CCT7: variants seen among roughly 807,000 people sequenced by gnomAD.
CCT7 encodes the protein T-complex protein 1 subunit eta.
A neutral mutation model predicts 56.6 loss-of-function variants in CCT7; 16 were observed. That is an observed-to-expected ratio of 0.28 (90% CI 0.19 to 0.43). The LOEUF (loss-of-function observed/expected upper bound fraction) is 0.43. Among genes scored for constraint, CCT7 ranks in the 20% least tolerant of loss-of-function variants. CCT7 has a pLI of 1.00. For synonymous variants in CCT7, 262 were observed against 254.8 expected, an observed-to-expected ratio of 1.03 and a Z score of -0.27; for missense variants, 519 against 685.6, an observed-to-expected ratio of 0.76 and a Z score of 2.71.
chr2:73,252,324 G>GAT (rs57359293), intron 11 of CCT7, among the ~76,000 whole-genome samples: 19,441 of 127,048 alleles, frequency 0.15, 1,656 homozygotes, highest in East Asian at 0.24. Context: ...CTCATTGTTT[G>GAT]ATATATATAT....
intron 1 of CCT7, among the ~76,000 whole-genome samples, chr2:73,238,225 A>T (rs984395162): frequency 7.2e-5 from 11 of 152,160 alleles, no homozygotes; most frequent in African/African-American, 2.7e-4. Flanking sequence ...ACAGTATGCC[A>T]TTCCTCTGCT....
rs768639367 is a variant in CCT7, at chr2:73,249,175, T to C, written c.968T>C (p.Met323Thr). The C allele has an allele frequency of 8.4e-5, 134 of 1,599,748 alleles. No individual in the cohort carries two copies. Among genetic ancestry groups the C allele is most frequent in the Non-Finnish European group, 1.1e-4 (131 of 1,169,990 alleles). ...RVPEEDLKRTMMACGGSIQTS... is the reference protein window; with the variant it reads ...RVPEEDLKRTTMACGGSIQTS... Reference sequence around the variant, plus strand: ...CCTGAGGAGGATCTGAAGAGGACAATGATGGTAACCAGATTTTCACAGGCT... The same window carrying C: ...CCTGAGGAGGATCTGAAGAGGACAACGATGGTAACCAGATTTTCACAGGCT... The change falls in exon 8 of 12, where the codon ATG (methionine) becomes ACG (threonine). Residue 323 changes from methionine (M) to threonine (T), a missense_variant. Transcript: ENST00000258091.
chr2:73,237,338 A>G (rs1333307696), intron 1 of CCT7, among the ~76,000 whole-genome samples: 1 of 152,254 alleles, frequency 6.6e-6, no homozygotes, highest in Non-Finnish European at 1.5e-5. Flanking sequence ...GAGAAAAAGT[A>G]TACACAAGCA....
rs775749940 is a variant in CCT7 at position 73,247,957 on chromosome 2, G to A, written c.783+31G>A. ...TGGGTTCACCAGTTGGTGGGGGCAT[G>A]GAAATGGGCAGCTTTCTGAGCCAGA... On this transcript the variant is annotated intron_variant, in intron 7 of 11. Transcript: ENST00000258091. 10 of 1,600,440 alleles carry A rather than the reference G, an allele frequency of 6.2e-6. No homozygotes were observed. The South Asian group carries it at 1.1e-4, about 18-fold the overall frequency.
chr2:73,240,394 C>T, intron 2 of CCT7, 43 bp from the exon 3 acceptor site: 2 of 1,464,758 alleles, frequency 1.4e-6, no homozygotes, highest in Non-Finnish European at 1.9e-6. Flanking sequence ...TTGAAGACAG[C>T]ATTTAAGAAA....
At chr2:73,237,362 C>T (rs188747074) in intron 1 of CCT7, among the ~76,000 whole-genome samples, 2 of 152,250 alleles carry the variant, frequency 1.3e-5, no homozygotes, top group African/African-American at 2.4e-5. Flanking sequence ...GGTAAGTTAA[C>T]CTGTTGAGGT....
intron 1 of CCT7, 29 bp from the exon 2 acceptor site, chr2:73,239,614 T>G: frequency 6.2e-7 from 1 of 1,606,018 alleles, no homozygotes; most frequent in Non-Finnish European, 8.5e-7. Context: ...AGATGATTAT[T>G]AAAAGCAGTT....
At chr2:73,235,167 G>A (rs553897757) in intron 1 of CCT7, among the ~76,000 whole-genome samples, 1 of 152,254 alleles carries the variant, frequency 6.6e-6, no homozygotes, top group East Asian at 1.9e-4. Context: ...GAGTTGCTGT[G>A]AGTCCTGGAG....
Position 73,239,816 on chromosome 2 carries a change from C to T in CCT7, c.160+20C>T, listed in dbSNP as rs1434004617. 1.9e-6 allele frequency: 3 copies of T among 1,612,800 alleles called. No homozygotes were observed. The highest frequency in any genetic ancestry group is 1.3e-5 in the African/African-American group (1 of 75,020). ...GCAGAGGTAAGTCTACAGAGTTCCTCAGGCCTGTGTGCAGGAAAGGAGGCT... is the reference window on the plus strand; with the variant it reads ...GCAGAGGTAAGTCTACAGAGTTCCTTAGGCCTGTGTGCAGGAAAGGAGGCT... On this transcript the variant is annotated intron_variant, in intron 2 of 11. Transcript: ENST00000258091.
intron 1 of CCT7, among the ~76,000 whole-genome samples, chr2:73,234,621 G>A (rs1235875403): frequency 6.6e-6 from 1 of 152,244 alleles, no homozygotes; most frequent in East Asian, 1.9e-4. Flanking sequence ...TGGCCGGTTG[G>A]GGACTACAAG....
intron 10 of CCT7, 50 bp downstream of exon 10, chr2:73,250,488 C>G: frequency 6.2e-7 from 1 of 1,602,330 alleles, no homozygotes; most frequent in Non-Finnish European, 8.5e-7. Context: ...CTCCTATCTC[C>G]CTAGCTGATC....
In CCT7 at chr2:73,240,270, T is replaced by C. The variant is rs1267557737; in HGVS notation, c.161-167T>C. The C allele has an allele frequency of 6.6e-6, 3 of 452,446 alleles. No homozygotes were observed. In the Admixed American group the frequency reaches 1.2e-4, roughly 18 times the overall value. 28.0% of individuals were successfully genotyped at this position (452,446 alleles called of 1,614,324 possible). A position where few individuals can be genotyped will look rare whatever the true frequency, so the allele number is the denominator to read the frequency against. The stretch of plus-strand genomic sequence containing the variant: ...CAAAAGCTTGTGATTTTAGACCCTT[T>C]GTGTACAGAGCTAATTCTGTATAGA... On this transcript the variant is annotated intron_variant, in intron 2 of 11. Transcript: ENST00000258091.
intron 7 of CCT7, 28 bp downstream of exon 7, chr2:73,247,954 C>A: frequency 6.2e-7 from 1 of 1,603,562 alleles, no homozygotes; most frequent in Non-Finnish European, 8.5e-7. Flanking sequence ...TTGGTGGGGG[C>A]ATGGAAATGG....
At chr2:73,241,153 C>G (rs1432063140) in intron 3 of CCT7, among the ~76,000 whole-genome samples, 1 of 151,186 alleles carries the variant, frequency 6.6e-6, no homozygotes, top group Non-Finnish European at 1.5e-5. Context: ...AATTCTAACA[C>G]TGGAGTATTA....
intron 1 of CCT7, among the ~76,000 whole-genome samples, chr2:73,235,949 C>A (rs1686865390): frequency 6.6e-6 from 1 of 152,218 alleles, no homozygotes; most frequent in Non-Finnish European, 1.5e-5. Flanking sequence ...GAACTGACCC[C>A]TCCTCTGTCA....
chr2:73,251,452 A>C lies in CCT7; in HGVS notation c.1410+20A>C. The C allele has an allele frequency of 2.0e-4, 111 of 566,838 alleles. No individual in the cohort carries two copies. Among genetic ancestry groups the C allele is most frequent in the Non-Finnish European group, 3.0e-4 (96 of 322,486 alleles). The allele number at this position is 566,838 out of a possible 1,614,324, so 35.1% of individuals were successfully genotyped here. A position where few individuals can be genotyped will look rare whatever the true frequency, so the allele number is the denominator to read the frequency against. On this transcript the variant is annotated intron_variant, in intron 11 of 11. Coordinates refer to ENST00000258091, the MANE Select transcript of CCT7 (RefSeq NM_006429.4). ...GCCCAGGTGGGTCCTTTCTCTCCCC[A>C]GGGTTCAGGGTTTGGGCGGGTGGGG...
intron 10 of CCT7, 82 bp downstream of exon 10, chr2:73,250,520 A>T (rs1687534504): frequency 1.3e-6 from 2 of 1,523,252 alleles, no homozygotes; most frequent in African/African-American, 1.4e-5. Context: ...TTGTGTGGTG[A>T]TTCCTTCTCT....
Position 73,251,294 on chromosome 2 carries a change from A to G in CCT7, c.1272A>G (p.Ser424=). 1 of 1,614,186 alleles carries G rather than the reference A, an allele frequency of 6.2e-7. No individual in the cohort carries two copies. Among genetic ancestry groups the G allele is most frequent in the South Asian group, 1.1e-5 (1 of 91,080 alleles). The change falls in exon 11 of 12, where the codon TCA becomes TCG. Residue 424 remains serine, a synonymous_variant. Coordinates refer to ENST00000258091, the MANE Select transcript of CCT7 (RefSeq NM_006429.4). ...TCTCCAAGTACCTGCGGGATTACTC[A>G]AGGACTATTCCAGGAAAACAGCAGC... is the stretch of plus-strand genomic sequence containing the variant. ...MELSKYLRDY[S]RTIPGKQQLL...
intron 4 of CCT7, 99 bp downstream of exon 4, chr2:73,243,228 C>A: frequency 1.4e-6 from 2 of 1,401,906 alleles, no homozygotes; most frequent in Non-Finnish European, 2.0e-6. Flanking sequence ...GACTGGGGAA[C>A]AGGGTACTTT....
Sources: gnomAD v4.1 joint callset for allele counts (sites outside exome capture counted in the v4.1 genomes callset) on GRCh38, gnomAD v4.1.1 for gene constraint, MANE v1.5 for transcripts, NCBI Gene and HGNC (gene_info 2026-07-23, HGNC 2026-07-21) for gene names.